PRDM4: variants seen among roughly 807,000 people sequenced by gnomAD.
PRDM4 encodes the protein PR domain zinc finger protein 4.
In PRDM4, 38 loss-of-function variants were observed where a neutral mutation model predicts 62.3. The ratio of observed to expected loss-of-function variants is 0.61; its 90% CI spans 0.47 to 0.80. PRDM4 has a LOEUF of 0.80. Among genes scored for constraint, PRDM4 ranks in the 30% least tolerant of loss-of-function variants. The pLI, the probability that PRDM4 is intolerant of heterozygous loss-of-function variation, is 0.00. For synonymous variants in PRDM4, 339 were observed against 348.2 expected, an observed-to-expected ratio of 0.97 and a Z score of 0.30; for missense variants, 858 against 997.1, an observed-to-expected ratio of 0.86 and a Z score of 1.88.
At chr12:107,751,313 GCTTTCTATA>G (rs1390683475) in intron 5 of PRDM4, 93 bp downstream of exon 5, 1 of 1,212,670 alleles carries the variant, frequency 8.2e-7, no homozygotes, top group Non-Finnish European at 1.1e-6. Flanking sequence ...AGGTCTAGTT[GCTTTCTATA>G]CTCCCTTAAT....
intron 2 of PRDM4, among the ~76,000 whole-genome samples, chr12:107,759,221 C>T (rs1471564955): frequency 1.3e-5 from 2 of 152,134 alleles, no homozygotes; most frequent in East Asian, 1.9e-4. Context: ...TACCTCTACA[C>T]GCCAGCTGGG....
rs759327959 is a variant in PRDM4, at chr12:107,752,169, G to A, written c.372C>T (p.Tyr124=). ...SYLADRPPPQ[Y]IHPNSINVDG... ...CAACATTTATAGAGTTAGGGTGGAT[G>A]TACTGTGGAGGTGGTCTGTCAGCTA... The change falls in exon 5 of 12, where the codon TAC becomes TAT. Residue 124 remains tyrosine (Y), a synonymous_variant. Coordinates refer to ENST00000228437, the MANE Select transcript of PRDM4 (RefSeq NM_012406.4). 2 of 1,597,216 alleles carry A rather than the reference G, an allele frequency of 1.3e-6. No homozygotes were observed. Among genetic ancestry groups the A allele is most frequent in the South Asian group, 1.1e-5 (1 of 90,718 alleles).
chr12:107,744,117 G>GAA (rs771541692), intron 7 of PRDM4, among the ~76,000 whole-genome samples: 1 of 148,048 alleles, frequency 6.8e-6, no homozygotes, highest in Admixed American at 6.7e-5. Context: ...CCATCTCAAG[G>GAA]AAGAAAAAAA....
Position 107,756,814 on chromosome 12 carries a change from G to A in PRDM4, c.145+18C>T, listed in dbSNP as rs764648044. 3.7e-6 allele frequency: 6 copies of A among 1,613,502 alleles called. No individual in the cohort carries two copies. The African/African-American group carries it at 5.3e-5, about 14-fold the overall frequency. On this transcript the variant is annotated intron_variant, in intron 3 of 11. Transcript: ENST00000228437. ...AGAGTTAAGTGTTGAAATGCAGTAG[G>A]TCTCCCTTACCACTCACCTGGGGCA... is the stretch of plus-strand genomic sequence containing the variant.
At chr12:107,757,132 C>T (rs935331284) in intron 2 of PRDM4, among the ~76,000 whole-genome samples, 167 bp from the exon 3 acceptor site, 2 of 152,168 alleles carry the variant, frequency 1.3e-5, no homozygotes, top group Non-Finnish European at 2.9e-5. Context: ...CATATTCTTT[C>T]TACTGATAAG....
At chr12:107,754,356 G>A (rs970446424) in intron 3 of PRDM4, among the ~76,000 whole-genome samples, 1 of 152,072 alleles carries the variant, frequency 6.6e-6, no homozygotes, top group African/African-American at 2.4e-5. Flanking sequence ...TCTGTATTGC[G>A]CTTAAATACA....
At chr12:107,760,457 A>C in intron 2 of PRDM4, 48 bp downstream of exon 2, 1 of 1,610,758 alleles carries the variant, frequency 6.2e-7, no homozygotes, top group Non-Finnish European at 8.5e-7. Context: ...CTCACTCGCC[A>C]GAGTTTCCAA....
rs117732799 is a variant in PRDM4 at position 107,749,507 on chromosome 12, T to C, written c.1126+1908A>G. ...CCTCAGCCTCCCAAAGTGCTGGGATTACAGGTGTGAGCCAACACATGGCCT... is the reference window on the plus strand; with the variant it reads ...CCTCAGCCTCCCAAAGTGCTGGGATCACAGGTGTGAGCCAACACATGGCCT... On this transcript the variant is annotated intron_variant, in intron 5 of 11. Coordinates refer to ENST00000228437, the MANE Select transcript of PRDM4 (RefSeq NM_012406.4). 5.6e-3 allele frequency among the ~76,000 whole-genome samples: 857 copies of C among 151,908 alleles called. 18 individuals carry two copies. In the East Asian group the frequency reaches 0.065, roughly 12 times the overall value.
intron 10 of PRDM4, among the ~76,000 whole-genome samples, chr12:107,740,617 C>T (rs1464031331): frequency 2.0e-5 from 3 of 151,992 alleles, no homozygotes; most frequent in Non-Finnish European, 4.4e-5. Flanking sequence ...AGGAGAGAAA[C>T]TGGCTCTGGC....
chr12:107,742,133 G>A, intron 9 of PRDM4, 88 bp downstream of exon 9: 2 of 1,382,666 alleles, frequency 1.4e-6, no homozygotes, highest in Non-Finnish European at 2.0e-6. Context: ...ATTTGCTTCA[G>A]CTAACATGTA....
At chr12:107,743,126 T>G in intron 8 of PRDM4, 71 bp downstream of exon 8, 1 of 1,298,392 alleles carries the variant, frequency 7.7e-7, no homozygotes, top group Non-Finnish European at 1.1e-6. Flanking sequence ...CTCTTTCTTC[T>G]TTTATGCAAA....
chr12:107,751,308 T>C, intron 5 of PRDM4, 107 bp downstream of exon 5: 2 of 1,149,972 alleles, frequency 1.7e-6, no homozygotes, highest in Non-Finnish European at 2.4e-6. Context: ...TTCCAAGGTC[T>C]AGTTGCTTTC....
chr12:107,755,548 A>C (rs1342226655), intron 3 of PRDM4, among the ~76,000 whole-genome samples: 3 of 152,198 alleles, frequency 2.0e-5, no homozygotes, highest in Non-Finnish European at 2.9e-5. Context: ...AGTTTCAATG[A>C]ATCTTATTTA....
At position 107,754,122 on chromosome 12, in the gene PRDM4, A is replaced by T; in HGVS notation, c.146-13T>A. 13 of 1,559,536 alleles carry T rather than the reference A, an allele frequency of 8.3e-6. No individual in the cohort carries two copies. Among genetic ancestry groups the T allele is most frequent in the Non-Finnish European group, 9.6e-6 (11 of 1,149,938 alleles). On this transcript the variant is annotated splice_polypyrimidine_tract_variant and intron_variant, in intron 3 of 11. Transcript: ENST00000228437. ...GCCACTGGGAGGCCTACAAAACAAA[A>T]TTTTTTTTCTCAGTTAAAAGAAAAT...
intron 3 of PRDM4, among the ~76,000 whole-genome samples, chr12:107,755,577 T>C (rs1354098076): frequency 6.6e-6 from 1 of 152,186 alleles, no homozygotes; most frequent in Non-Finnish European, 1.5e-5. Context: ...ATTTTATTAA[T>C]TAAGCAAGTA....
At chr12:107,749,459 C>T (rs1890823952) in intron 5 of PRDM4, among the ~76,000 whole-genome samples, 1 of 149,550 alleles carries the variant, frequency 6.7e-6, no homozygotes, top group South Asian at 2.1e-4. Context: ...ATCTTGAACT[C>T]CTGGTCTCAA....
rs1308119870 is a variant in PRDM4, at chr12:107,744,540, G to A, written c.1395+3C>T. 6.2e-7 allele frequency: 1 copy of A among 1,612,584 alleles called. No individual in the cohort carries two copies. The highest frequency in any genetic ancestry group is 1.7e-5 in the Admixed American group (1 of 59,986). ...GCCACAGAAAAGTTTCATCAGGACT[G>A]ACCTTCCAGATATGGTTAACTGCCT... On this transcript the variant is annotated splice_donor_region_variant and intron_variant, in intron 7 of 11. Transcript: ENST00000228437.
At chr12:107,740,873 C>A in intron 10 of PRDM4, 73 bp downstream of exon 10, 1 of 1,452,868 alleles carries the variant, frequency 6.9e-7, no homozygotes. Flanking sequence ...CCTACAATCC[C>A]TCTACAAAGC....
At chr12:107,739,626 G>A in intron 10 of PRDM4, 75 bp from the exon 11 acceptor site, 1 of 1,437,438 alleles carries the variant, frequency 7.0e-7, no homozygotes. Flanking sequence ...GCACACATAT[G>A]TGCATGCAGC....
Sources: allele counts gnomAD v4.1 joint callset (sites outside exome capture counted in the v4.1 genomes callset), GRCh38; gene constraint gnomAD v4.1.1; transcripts MANE v1.5; gene names NCBI Gene and HGNC (gene_info 2026-07-23, HGNC 2026-07-21).